Variants in VSNL1 observed in about 807,000 individuals in gnomAD.
VSNL1 encodes visinin like 1.
In VSNL1, 6 loss-of-function variants were observed where a neutral mutation model predicts 20.4. The ratio of observed to expected loss-of-function variants is 0.29; its 90% CI spans 0.16 to 0.58. The LOEUF is 0.58. Among genes scored for constraint, VSNL1 ranks in the 20% least tolerant of loss-of-function variants. The pLI is 0.90. For missense variants in VSNL1, 100 were observed against 234.5 expected (o/e 0.43, Z 3.75); for synonymous variants, 93 against 86.4 (o/e 1.08, Z -0.42).
intron 1 of VSNL1, among the ~76,000 whole-genome samples, chr2:17,565,448 A>G (rs1033324548): frequency 6.6e-6 from 1 of 152,038 alleles, no homozygotes; most frequent in African/African-American, 2.4e-5. Context: ...CTTCATGAAC[A>G]CTTTTATTTT....
chr2:17,565,070 C>T (rs1301043896), intron 1 of VSNL1, among the ~76,000 whole-genome samples: 1 of 151,956 alleles, frequency 6.6e-6, no homozygotes, highest in Non-Finnish European at 1.5e-5. Context: ...AGTATTCTAC[C>T]ATGTTTCCTT....
chr2:17,655,373 G>A lies in VSNL1; in HGVS notation c.555G>A (p.Leu185=), dbSNP rs1290895139. 6.2e-7 allele frequency: 1 copy of A among 1,610,022 alleles called. No homozygotes were observed. The highest frequency in any genetic ancestry group is 1.7e-5 in the Admixed American group (1 of 59,898). The part of the protein sequence containing the change: ...AKSDPSIVLL[L]QCDIQK ...GCGACCCTTCCATTGTATTACTTCT[G>A]CAGTGCGACATCCAGAAATGAGCTG... is the stretch of plus-strand genomic sequence containing the variant. The change falls in exon 4 of 4, where the codon CTG becomes CTA. Residue 185 remains leucine (L), a synonymous_variant. Transcript: ENST00000295156. The surrounding 1 kb of genome is among the most constrained non-coding windows in gnomAD (Gnocchi z 5.2).
chr2:17,650,469 G>A (rs907823723), intron 3 of VSNL1, among the ~76,000 whole-genome samples: 1 of 152,224 alleles, frequency 6.6e-6, no homozygotes. Flanking sequence ...GAGCCTGGCA[G>A]GCATGCAATA....
At chr2:17,608,950 C>CTG (rs1174940166) in intron 2 of VSNL1, among the ~76,000 whole-genome samples, 2 of 151,956 alleles carry the variant, frequency 1.3e-5, no homozygotes, top group African/African-American at 4.8e-5. Context: ...AACCTGCTGA[C>CTG]TGTGTGTGTG....
At chr2:17,597,534 A>G (rs1558294686) in intron 2 of VSNL1, among the ~76,000 whole-genome samples, 1 of 152,222 alleles carries the variant, frequency 6.6e-6, no homozygotes, top group Non-Finnish European at 1.5e-5. Context: ...GACAGGTGAG[A>G]GAGCCCTAGA....
chr2:17,604,978 C>T lies in VSNL1; in HGVS notation c.162+12742C>T, dbSNP rs186154972. 4.5e-4 allele frequency among the ~76,000 whole-genome samples: 68 copies of T among 152,308 alleles called. 1 individual carries two copies. The highest frequency in any genetic ancestry group is 1.6e-3 in the Admixed American group (24 of 15,304). ...AGTAATAGCTGAAAAGGCAGCTGCT[C>T]TGTGGAGAGAGTAGCCCTGGAGTAA... is the stretch of plus-strand genomic sequence containing the variant. On this transcript the variant is annotated intron_variant, in intron 2 of 3. Transcript: ENST00000295156.
chr2:17,655,750 CATA>C lies in VSNL1; in HGVS notation c.*359_*361del. On this transcript the variant is annotated 3_prime_UTR_variant, in exon 4 of 4. Transcript: ENST00000295156. This position sits in a 1 kb window ranked among gnomAD's most constrained non-coding sequence, Gnocchi z 5.2. ...GCTAATGCTCGTATCTCCTTGATTA[CATA>C]ATGTTAGTAGCACTGAGACCCCCAT... is the stretch of plus-strand genomic sequence containing the variant. 1.3e-5 allele frequency: 3 copies of C among 228,506 alleles called. No homozygotes were observed. Among genetic ancestry groups the C allele is most frequent in the Non-Finnish European group, 2.6e-5 (3 of 113,216 alleles). 14.2% of individuals were successfully genotyped at this position (228,506 alleles called of 1,614,324 possible).
chr2:17,605,848 A>G (rs553554963), intron 2 of VSNL1, among the ~76,000 whole-genome samples: 3 of 152,388 alleles, frequency 2.0e-5, no homozygotes, highest in Admixed American at 2.0e-4. Flanking sequence ...ATAGAAAACC[A>G]GATACTTTAC....
At chr2:17,643,845 T>C (rs1459541253) in intron 2 of VSNL1, among the ~76,000 whole-genome samples, 16 of 152,102 alleles carry the variant, frequency 1.1e-4, no homozygotes, top group Admixed American at 1.0e-3. Flanking sequence ...AATGGTCCCA[T>C]GACTGTGGCA....
At chr2:17,593,844 T>A (rs1045399788) in intron 2 of VSNL1, among the ~76,000 whole-genome samples, 6 of 152,232 alleles carry the variant, frequency 3.9e-5, no homozygotes, top group Non-Finnish European at 5.9e-5. Context: ...TAGTTTTCAA[T>A]GTCATGTCTT....
intron 2 of VSNL1, among the ~76,000 whole-genome samples, chr2:17,618,114 A>C (rs886529561): frequency 6.6e-6 from 1 of 152,196 alleles, no homozygotes; most frequent in Non-Finnish European, 1.5e-5. Context: ...TTGGTGGTCA[A>C]TGTTGCTGTC....
In VSNL1 at chr2:17,649,393, CGT is replaced by C; in HGVS notation, c.163-14_163-13del. 7 of 1,613,174 alleles carry C rather than the reference CGT, an allele frequency of 4.3e-6. No homozygotes were observed. Among genetic ancestry groups the C allele is most frequent in the Non-Finnish European group, 5.1e-6 (6 of 1,179,148 alleles). On this transcript the variant is annotated splice_polypyrimidine_tract_variant and intron_variant, in intron 2 of 3. Coordinates refer to ENST00000295156, the MANE Select transcript of VSNL1 (RefSeq NM_003385.5). This position sits in a 1 kb window ranked among gnomAD's most constrained non-coding sequence, Gnocchi z 6.4. ...CATCCCCTCCCGACACCTGACTGCG[CGT>C]GTTCTCCTTTGCAGTTCTTTCCTTA...
chr2:17,654,923 A>T (rs1666193845), intron 3 of VSNL1, among the ~76,000 whole-genome samples: 1 of 152,230 alleles, frequency 6.6e-6, no homozygotes, highest in Admixed American at 6.5e-5. Context: ...CAAGCCCTGG[A>T]CTTACAGGAG....
At chr2:17,586,915 G>A (rs964923712) in intron 1 of VSNL1, among the ~76,000 whole-genome samples, 1 of 152,206 alleles carries the variant, frequency 6.6e-6, no homozygotes, top group Non-Finnish European at 1.5e-5. Context: ...GAGAAGGCCA[G>A]TCTCTACAAA....
Position 17,649,654 on chromosome 2 carries a change from G to T in VSNL1, c.378+29G>T, listed in dbSNP as rs1287172907. On this transcript the variant is annotated intron_variant, in intron 3 of 3. Coordinates refer to ENST00000295156, the MANE Select transcript of VSNL1 (RefSeq NM_003385.5). This position sits in a 1 kb window ranked among gnomAD's most constrained non-coding sequence, Gnocchi z 6.4. ...AGGCCCGGGGTGTGGTTGGCGGGTGGTGGGCACAGAAGGAGACCCCACGGC... is the reference window on the plus strand; with the variant it reads ...AGGCCCGGGGTGTGGTTGGCGGGTGTTGGGCACAGAAGGAGACCCCACGGC... 2.5e-6 allele frequency: 4 copies of T among 1,611,580 alleles called. No individual in the cohort carries two copies. The highest frequency in any genetic ancestry group is 2.5e-6 in the Non-Finnish European group (3 of 1,178,586).
intron 1 of VSNL1, among the ~76,000 whole-genome samples, chr2:17,550,856 A>G (rs983289556): frequency 2.6e-5 from 4 of 152,226 alleles, no homozygotes; most frequent in African/African-American, 9.6e-5. Flanking sequence ...TCCTAAGGGA[A>G]TGCAACAAAA....
chr2:17,639,953 T>C (rs962212323), intron 2 of VSNL1, among the ~76,000 whole-genome samples: 5 of 152,148 alleles, frequency 3.3e-5, no homozygotes, highest in Admixed American at 2.0e-4. Flanking sequence ...CCATTTTTTG[T>C]ATGAAGAAAC....
chr2:17,607,969 T>C (rs1384988527), intron 2 of VSNL1, among the ~76,000 whole-genome samples: 1 of 152,240 alleles, frequency 6.6e-6, no homozygotes, highest in Non-Finnish European at 1.5e-5. Context: ...AGTAGCTAGC[T>C]AATTTTCTTA....
At chr2:17,602,444 G>C (rs1664841910) in intron 2 of VSNL1, among the ~76,000 whole-genome samples, 1 of 152,142 alleles carries the variant, frequency 6.6e-6, no homozygotes. Context: ...AACTTTCCCT[G>C]TCTAAAATGT....
Sources: gnomAD v4.1 joint callset for allele counts (sites outside exome capture counted in the v4.1 genomes callset) on GRCh38, gnomAD v4.1.1 for gene constraint, Gnocchi (gnomAD v3.1) non-coding constraint, MANE v1.5 for transcripts, NCBI Gene and HGNC (gene_info 2026-07-23, HGNC 2026-07-21) for gene names.